The following IL1R2 variants were observed in gnomAD, a reference collection of about 807,000 sequenced individuals.
IL1R2 encodes the protein interleukin-1 receptor type 2.
Under a neutral mutation model 39.5 loss-of-function variants are expected in IL1R2, and 46 were observed. The ratio of observed to expected loss-of-function variants is 1.16; its 90% CI spans 0.92 to 1.49. IL1R2 has a LOEUF of 1.49. IL1R2 is among the 40% of genes most tolerant of loss of function. The pLI is 0.00. For synonymous variants in IL1R2, 207 were observed against 189.6 expected, an observed-to-expected ratio of 1.09 and a Z score of -0.75; for missense variants, 537 against 502.0, an observed-to-expected ratio of 1.07 and a Z score of -0.67.
Position 102,018,605 on chromosome 2 carries a change from T to C in IL1R2, c.514-1033T>C, listed in dbSNP as rs3218936. ...ATAATGATACCTATTACTGCGCATG[T>C]ACTATATCCAAGCCTGTTCTAAACT... On this transcript the variant is annotated intron_variant, in intron 4 of 8. Coordinates refer to ENST00000332549, the MANE Select transcript of IL1R2 (RefSeq NM_004633.4). Among the ~76,000 whole-genome samples, 1,280 of 152,320 alleles carry C rather than the reference T, an allele frequency of 8.4e-3. 18 individuals are homozygous for C. The highest frequency in any genetic ancestry group is 0.029 in the African/African-American group (1,226 of 41,568).
chr2:102,023,100 T>C (rs1398496369), intron 6 of IL1R2, among the ~76,000 whole-genome samples: 1 of 152,260 alleles, frequency 6.6e-6, no homozygotes, highest in Non-Finnish European at 1.5e-5. Flanking sequence ...TTCTGGGTAG[T>C]GTTTTTGTAG....
chr2:102,025,132 G>T (rs1244779182), intron 7 of IL1R2, among the ~76,000 whole-genome samples: 3 of 152,102 alleles, frequency 2.0e-5, no homozygotes, highest in African/African-American at 4.8e-5. Flanking sequence ...AAAAAAGAAA[G>T]AATTCAGTTC....
Position 102,009,733 on chromosome 2 carries a change from GAGA to G in IL1R2, c.246_248del (p.Glu83del), listed in dbSNP as rs1203755411. ...AATGACTCTGCTAGGACGGTCCCAG[GAGA>G]AGAAGAGACACGGATGTGGGCCCAG... On this transcript the variant is annotated inframe_deletion, in exon 3 of 9. Transcript: ENST00000332549. 1.2e-6 allele frequency: 2 copies of G among 1,614,220 alleles called. No homozygotes were observed. Among genetic ancestry groups the G allele is most frequent in the East Asian group, 2.2e-5 (1 of 44,882 alleles).
chr2:102,015,980 G>C lies in IL1R2; in HGVS notation c.442G>C (p.Gly148Arg), dbSNP rs567036098. 3.7e-6 allele frequency: 6 copies of C among 1,613,740 alleles called. No homozygotes were observed. The African/African-American group carries it at 5.3e-5, about 14-fold the overall frequency. ...GCAAATTTTAACCTTGTCAACCTCT[G>C]GGGTATTAGTATGCCCTGACCTGAG... is the stretch of plus-strand genomic sequence containing the variant. ...YPQILTLSTS[G>R]VLVCPDLSEF... Residue 148 changes from glycine (G) to arginine (R), a missense_variant, in exon 4 of 9, where the codon GGG (glycine) becomes CGG (arginine). Physicochemically the swap from Gly to Arg is moderately radical, Grantham distance 125. Transcript: ENST00000332549.
intron 3 of IL1R2, among the ~76,000 whole-genome samples, chr2:102,013,013 T>A (rs1264484101): frequency 6.6e-6 from 1 of 152,096 alleles, no homozygotes; most frequent in East Asian, 1.9e-4. Context: ...TAGCGTGGGG[T>A]CTGCCATGGT....
intron 1 of IL1R2, among the ~76,000 whole-genome samples, chr2:101,993,013 A>G (rs180756631): frequency 7.4e-4 from 112 of 152,316 alleles, no homozygotes; most frequent in African/African-American, 2.4e-3. Context: ...CTAGGCCACA[A>G]GTAAAATCGC....
chr2:102,002,543 G>A (rs953558880), intron 1 of IL1R2, among the ~76,000 whole-genome samples: 7 of 151,226 alleles, frequency 4.6e-5, no homozygotes, highest in African/African-American at 1.7e-4. Context: ...CTAGGTCTGT[G>A]TCTATGTCTA....
chr2:102,006,356 A>G (rs3755482), intron 1 of IL1R2, among the ~76,000 whole-genome samples: 34,723 of 152,152 alleles, frequency 0.23, 4,795 homozygotes, highest in Non-Finnish European at 0.27. Context: ...AGTATTGTGT[A>G]GAAACAGAGT....
chr2:102,006,391 A>G (rs1676262627), intron 1 of IL1R2, among the ~76,000 whole-genome samples: 1 of 152,166 alleles, frequency 6.6e-6, no homozygotes, highest in African/African-American at 2.4e-5. Context: ...TCCAGGCTAG[A>G]TACATAGCTA....
At chr2:102,016,707 A>G (rs1677025747) in intron 4 of IL1R2, among the ~76,000 whole-genome samples, 1 of 152,208 alleles carries the variant, frequency 6.6e-6, no homozygotes, top group Non-Finnish European at 1.5e-5. Context: ...ACATGACTGT[A>G]TTTACACAGG....
chr2:102,024,422 T>A (rs1677598335), intron 6 of IL1R2, 111 bp from the exon 7 acceptor site: 1 of 737,642 alleles, frequency 1.4e-6, no homozygotes, highest in South Asian at 1.5e-5. Flanking sequence ...AAGGAAAGAA[T>A]TGGGTGGTGA....
chr2:102,005,877 G>C (rs1470134835), intron 1 of IL1R2, among the ~76,000 whole-genome samples: 2 of 152,204 alleles, frequency 1.3e-5, no homozygotes, highest in African/African-American at 4.8e-5. Flanking sequence ...AAAGAGCAAG[G>C]GCTTTGGAAT....
intron 5 of IL1R2, among the ~76,000 whole-genome samples, chr2:102,020,899 C>A (rs1328577216): frequency 6.6e-6 from 1 of 152,180 alleles, no homozygotes; most frequent in Non-Finnish European, 1.5e-5. Context: ...CCTGGGTACT[C>A]AACAGACATG....
intron 5 of IL1R2, among the ~76,000 whole-genome samples, chr2:102,020,403 G>A (rs773923530): frequency 4.6e-5 from 7 of 152,154 alleles, no homozygotes; most frequent in African/African-American, 9.7e-5. Context: ...CATTTACTCC[G>A]TACCAACTGT....
chr2:102,028,457 T>G lies in IL1R2; in HGVS notation c.*65T>G. 1 of 1,392,566 alleles carries G rather than the reference T, an allele frequency of 7.2e-7. No homozygotes were observed. Among genetic ancestry groups the G allele is most frequent in the South Asian group, 1.5e-5 (1 of 67,052 alleles). The allele number at this position is 1,392,566 out of a possible 1,614,324, so 86.3% of individuals were successfully genotyped here. A position where few individuals can be genotyped will look rare whatever the true frequency, so the allele number is the denominator to read the frequency against. On this transcript the variant is annotated 3_prime_UTR_variant, in exon 9 of 9. Transcript: ENST00000332549. ...GTCTTCTCTTATGGAAGTGGCTGTGTCTTTTTGAGGGACTCTGTTCTTTGC... is the reference window on the plus strand; with the variant it reads ...GTCTTCTCTTATGGAAGTGGCTGTGGCTTTTTGAGGGACTCTGTTCTTTGC...
intron 1 of IL1R2, among the ~76,000 whole-genome samples, chr2:102,000,816 C>G (rs1675820056): frequency 6.6e-6 from 1 of 152,178 alleles, no homozygotes; most frequent in Admixed American, 6.5e-5. Context: ...AAGTCTATTT[C>G]CATTGCTCCG....
chr2:102,027,785 C>T (rs1677824081), intron 8 of IL1R2, among the ~76,000 whole-genome samples: 3 of 152,278 alleles, frequency 2.0e-5, no homozygotes, highest in Admixed American at 6.5e-5. Flanking sequence ...CCCAAGCAAT[C>T]GTGTTGGCCC....
chr2:102,027,510 A>T (rs553728470), intron 8 of IL1R2, among the ~76,000 whole-genome samples: 53 of 152,324 alleles, frequency 3.5e-4, no homozygotes, highest in African/African-American at 1.2e-3. Flanking sequence ...GCTGCCCAGA[A>T]TATTACAGCT....
chr2:102,022,685 G>A (rs765734344), intron 6 of IL1R2, among the ~76,000 whole-genome samples: 79 of 152,276 alleles, frequency 5.2e-4, no homozygotes, highest in Non-Finnish European at 8.5e-4. Flanking sequence ...GCTCAGCTGT[G>A]GTCAGTTTCT....
Sources: gnomAD v4.1 joint callset for allele counts (sites outside exome capture counted in the v4.1 genomes callset) on GRCh38, gnomAD v4.1.1 for gene constraint, MANE v1.5 for transcripts, NCBI Gene and HGNC (gene_info 2026-07-23, HGNC 2026-07-21) for gene names.